FSTL5: variants seen among roughly 807,000 people sequenced by gnomAD.
The protein encoded by FSTL5 is follistatin like 5.
Under a neutral mutation model 89.1 loss-of-function variants are expected in FSTL5, and 62 were observed. The observed-to-expected ratio is 0.70, with a 90% CI of 0.57 to 0.86. The LOEUF is 0.86. Ranked by LOEUF, FSTL5 falls within the 40% of genes least tolerant of loss-of-function variation. The pLI, the probability that FSTL5 is intolerant of heterozygous loss-of-function variation, is 0.00. For synonymous variants in FSTL5, 383 were observed against 346.2 expected, an observed-to-expected ratio of 1.11 and a Z score of -1.18; for missense variants, 1,057 against 1,001.6, an observed-to-expected ratio of 1.06 and a Z score of -0.75.
chr4:161,417,139 C>A (rs934275512), intron 15 of FSTL5, among the ~76,000 whole-genome samples: 9 of 152,120 alleles, frequency 5.9e-5, no homozygotes, highest in Non-Finnish European at 1.3e-4. Context: ...GTATGCTATA[C>A]TAAAATCTCT....
At chr4:161,840,972 C>T (rs1264009450) in intron 4 of FSTL5, among the ~76,000 whole-genome samples, 1 of 152,122 alleles carries the variant, frequency 6.6e-6, no homozygotes, top group Admixed American at 6.6e-5. Context: ...ATTTCTCCCC[C>T]AACACCTGGA....
In FSTL5 at chr4:161,875,896, T is replaced by C. The variant is rs77323300; in HGVS notation, c.409+44508A>G. On this transcript the variant is annotated intron_variant, in intron 4 of 15. Coordinates refer to ENST00000306100, the MANE Select transcript of FSTL5 (RefSeq NM_020116.5). ...GTACAATCTGTTTGATCTACAAAAG[T>C]GGTTTGGGTTTTAGGTGGCATTAGG... 7.8e-3 allele frequency among the ~76,000 whole-genome samples: 1,190 copies of C among 152,288 alleles called. 4 individuals are homozygous for C. Among genetic ancestry groups the C allele is most frequent in the Non-Finnish European group, 0.011 (772 of 68,028 alleles).
At chr4:161,654,282 A>G (rs147155249) in intron 7 of FSTL5, among the ~76,000 whole-genome samples, 1 of 152,174 alleles carries the variant, frequency 6.6e-6, no homozygotes, top group Non-Finnish European at 1.5e-5. Flanking sequence ...ATGAGTTTAC[A>G]ATGATGGTTT....
At chr4:161,488,686 A>T (rs1157836582) in intron 12 of FSTL5, among the ~76,000 whole-genome samples, 1 of 152,134 alleles carries the variant, frequency 6.6e-6, no homozygotes, top group African/African-American at 2.4e-5. Flanking sequence ...ATCATATTTG[A>T]AAAGGTGAAG....
chr4:162,032,079 T>C (rs777299898), intron 3 of FSTL5, among the ~76,000 whole-genome samples: 96 of 152,290 alleles, frequency 6.3e-4, no homozygotes, highest in Non-Finnish European at 1.3e-4. Flanking sequence ...TATTCCTAGA[T>C]AGTAGTTGGA....
intron 6 of FSTL5, among the ~76,000 whole-genome samples, chr4:161,672,849 G>C (rs1737167348): frequency 6.6e-6 from 1 of 151,788 alleles, no homozygotes; most frequent in Admixed American, 6.6e-5. Context: ...ATAAAGCCAG[G>C]AATACATCTT....
intron 12 of FSTL5, among the ~76,000 whole-genome samples, chr4:161,481,587 T>C (rs1729511883): frequency 6.6e-6 from 1 of 152,220 alleles, no homozygotes; most frequent in South Asian, 2.1e-4. Flanking sequence ...TTCATAGTTT[T>C]GTTAAGAGTC....
At chr4:161,873,660 C>T (rs943959795) in intron 4 of FSTL5, among the ~76,000 whole-genome samples, 16 of 149,442 alleles carry the variant, frequency 1.1e-4, no homozygotes, top group Admixed American at 9.6e-4. Context: ...AACAAGAGAA[C>T]TTTAAAACAT....
chr4:161,951,266 T>C (rs948029677), intron 3 of FSTL5, among the ~76,000 whole-genome samples: 1 of 152,100 alleles, frequency 6.6e-6, no homozygotes, highest in Admixed American at 6.6e-5. Flanking sequence ...GGGTATGTCT[T>C]TATTAGCGTG....
chr4:161,933,503 T>G (rs575487843), intron 3 of FSTL5, among the ~76,000 whole-genome samples: 3 of 152,030 alleles, frequency 2.0e-5, no homozygotes, highest in African/African-American at 7.2e-5. Context: ...GTTAAAAAAG[T>G]TGTCACATGA....
At chr4:161,594,910 G>A (rs1007156638) in intron 7 of FSTL5, among the ~76,000 whole-genome samples, 29 of 151,880 alleles carry the variant, frequency 1.9e-4, no homozygotes, top group African/African-American at 6.5e-4. Context: ...AAACAACTTC[G>A]TAAAAAAGGC....
intron 4 of FSTL5, among the ~76,000 whole-genome samples, chr4:161,844,058 C>A (rs1731292776): frequency 6.6e-6 from 1 of 151,902 alleles, no homozygotes; most frequent in Non-Finnish European, 1.5e-5. Context: ...TGGCAAAGGG[C>A]TAATATCCAG....
At chr4:161,550,428 A>G (rs926672615) in intron 8 of FSTL5, among the ~76,000 whole-genome samples, 5 of 151,874 alleles carry the variant, frequency 3.3e-5, no homozygotes, top group African/African-American at 4.8e-5. Flanking sequence ...TGGTGACATA[A>G]AGCACACGTT....
At chr4:161,783,499 T>G in intron 4 of FSTL5, among the ~76,000 whole-genome samples, 1 of 151,696 alleles carries the variant, frequency 6.6e-6, no homozygotes. Flanking sequence ...CTTTCTTTCT[T>G]TTTTCTTTCA....
At chr4:161,779,780 TATA>T (rs1560840807) in intron 4 of FSTL5, among the ~76,000 whole-genome samples, 3,428 of 42,760 alleles carry the variant, frequency 0.08, 346 homozygotes, top group Non-Finnish European at 0.089. Context: ...TATATGTATA[TATA>T]TATATATATA....
At chr4:161,741,696 T>TTTG in intron 6 of FSTL5, among the ~76,000 whole-genome samples, 1 of 105,186 alleles carries the variant, frequency 9.5e-6, no homozygotes, top group African/African-American at 2.6e-5. Flanking sequence ...TTTTTTTTTT[T>TTTG]TTTTTTTTGG....
In FSTL5 at chr4:162,092,161, A is replaced by G. The variant is rs746244433; in HGVS notation, c.126+19110T>C. ...AATCTAGGAACTTTTATAAATATCC[A>G]TGCTGGATTCCAGTTTTAGAACTGC... On this transcript the variant is annotated intron_variant, in intron 2 of 15. Transcript: ENST00000306100. 3.9e-4 allele frequency among the ~76,000 whole-genome samples: 59 copies of G among 152,172 alleles called. 1 individual carries two copies. The highest frequency in any genetic ancestry group is 3.4e-3 in the Middle Eastern group (1 of 292).
At chr4:161,867,047 A>G (rs1210936052) in intron 4 of FSTL5, among the ~76,000 whole-genome samples, 1 of 152,004 alleles carries the variant, frequency 6.6e-6, no homozygotes, top group African/African-American at 2.4e-5. Flanking sequence ...ATTTAGGTTT[A>G]TTGTTAATTC....
chr4:161,482,220 G>C (rs951537001), intron 12 of FSTL5, among the ~76,000 whole-genome samples: 2 of 152,140 alleles, frequency 1.3e-5, no homozygotes, highest in Non-Finnish European at 2.9e-5. Context: ...GGAGGCCGAG[G>C]CAGGAGAATG....
Sources: allele counts gnomAD v4.1 joint callset (sites outside exome capture counted in the v4.1 genomes callset), GRCh38; gene constraint gnomAD v4.1.1; transcripts MANE v1.5; gene names NCBI Gene and HGNC (gene_info 2026-07-23, HGNC 2026-07-21).